CTNNA3: variants seen among roughly 807,000 people sequenced by gnomAD.
CTNNA3 encodes catenin alpha 3.
A neutral mutation model predicts 95.7 loss-of-function variants in CTNNA3; 76 were observed. That is an observed-to-expected ratio of 0.79 (90% CI 0.66 to 0.96). CTNNA3 has a LOEUF of 0.96. Among genes scored for constraint, CTNNA3 ranks in the 40% least tolerant of loss-of-function variants. CTNNA3 has a pLI of 0.00. For missense variants in CTNNA3, 1,191 were observed against 1,089.8 expected, an observed-to-expected ratio of 1.09 and a Z score of -1.31; for synonymous variants, 431 against 374.4, an observed-to-expected ratio of 1.15 and a Z score of -1.74.
At chr10:66,598,845 G>A (rs1843816516) in intron 10 of CTNNA3, among the ~76,000 whole-genome samples, 1 of 151,922 alleles carries the variant, frequency 6.6e-6, no homozygotes, top group Non-Finnish European at 1.5e-5. Context: ...TAAATTCACT[G>A]CAATCTTTAT....
intron 7 of CTNNA3, among the ~76,000 whole-genome samples, chr10:67,161,659 A>G (rs894177229): frequency 6.6e-6 from 1 of 152,048 alleles, no homozygotes; most frequent in African/African-American, 2.4e-5. Context: ...ATGGATAGGT[A>G]GATAGATTAG....
At chr10:66,349,983 T>C (rs1425773214) in intron 12 of CTNNA3, among the ~76,000 whole-genome samples, 1 of 152,100 alleles carries the variant, frequency 6.6e-6, no homozygotes, top group African/African-American at 2.4e-5. Flanking sequence ...GGACCATTAC[T>C]AATACTCTTC....
chr10:67,133,098 A>G (rs1322489469), intron 7 of CTNNA3, among the ~76,000 whole-genome samples: 1 of 151,762 alleles, frequency 6.6e-6, no homozygotes, highest in Non-Finnish European at 1.5e-5. Context: ...CATAAAAATG[A>G]TAAACACTCA....
At chr10:67,301,483 A>G (rs1840268127) in intron 5 of CTNNA3, among the ~76,000 whole-genome samples, 2 of 152,248 alleles carry the variant, frequency 1.3e-5, no homozygotes. Flanking sequence ...CATATCATCC[A>G]GCAATCCCAC....
chr10:67,756,308 A>C (rs994640930), intron 1 of CTNNA3, among the ~76,000 whole-genome samples: 1 of 152,214 alleles, frequency 6.6e-6, no homozygotes, highest in African/African-American at 2.4e-5. Context: ...TACATTTCAA[A>C]AAAGCTAGAA....
At chr10:66,698,741 G>T (rs185420938) in intron 9 of CTNNA3, among the ~76,000 whole-genome samples, 1 of 152,118 alleles carries the variant, frequency 6.6e-6, no homozygotes, top group African/African-American at 2.4e-5. Flanking sequence ...GATAAAACGT[G>T]GGGGACAGCA....
intron 1 of CTNNA3, among the ~76,000 whole-genome samples, chr10:67,659,420 G>C (rs1238118584): frequency 1.3e-5 from 2 of 152,146 alleles, no homozygotes; most frequent in Non-Finnish European, 2.9e-5. Flanking sequence ...TACAGAGAAA[G>C]AACAGAAATG....
Position 66,080,867 on chromosome 10 carries a change from A to G in CTNNA3, c.1978-11378T>C, listed in dbSNP as rs117971349. Among the ~76,000 whole-genome samples, 125 of 152,274 alleles carry G rather than the reference A, an allele frequency of 8.2e-4. 1 individual carries two copies. The East Asian group carries it at 0.02, about 24-fold the overall frequency. On this transcript the variant is annotated intron_variant, in intron 14 of 17. Transcript: ENST00000433211. ...TTCTACCCTCCTACAGAGAGTAGGA[A>G]ATAGAGGCTTTACCTTTCTTGATAA...
chr10:67,238,358 T>C (rs1216741539), intron 5 of CTNNA3, among the ~76,000 whole-genome samples: 1 of 151,796 alleles, frequency 6.6e-6, no homozygotes, highest in Non-Finnish European at 1.5e-5. Flanking sequence ...CTTGAGTATA[T>C]CAACCCAGTA....
intron 13 of CTNNA3, among the ~76,000 whole-genome samples, chr10:66,268,356 C>A (rs908953019): frequency 6.6e-6 from 1 of 152,062 alleles, no homozygotes; most frequent in Non-Finnish European, 1.5e-5. Flanking sequence ...GGCAATATGG[C>A]GTGTGCTTTG....
chr10:67,037,781 T>C (rs765307001), intron 7 of CTNNA3, among the ~76,000 whole-genome samples: 28 of 152,154 alleles, frequency 1.8e-4, no homozygotes, highest in Non-Finnish European at 1.9e-4. Context: ...CTTGAACAAA[T>C]ACATGGATGG....
At chr10:66,832,776 A>G (rs1842763937) in intron 7 of CTNNA3, among the ~76,000 whole-genome samples, 1 of 152,140 alleles carries the variant, frequency 6.6e-6, no homozygotes, top group South Asian at 2.1e-4. Context: ...ACATTAAATG[A>G]CCCTAGCAAG....
At chr10:66,522,587 T>C (rs754526594) in intron 10 of CTNNA3, among the ~76,000 whole-genome samples, 2 of 151,988 alleles carry the variant, frequency 1.3e-5, no homozygotes, top group Non-Finnish European at 2.9e-5. Context: ...CCTTCTGCCA[T>C]GGTTGTGAGT....
intron 7 of CTNNA3, among the ~76,000 whole-genome samples, chr10:67,168,789 C>T (rs889878738): frequency 3.3e-5 from 5 of 152,052 alleles, no homozygotes; most frequent in African/African-American, 7.2e-5. Context: ...AAAGCAATCA[C>T]GCAAGAGAAA....
chr10:67,124,536 C>G (rs1859623809), intron 7 of CTNNA3, among the ~76,000 whole-genome samples: 1 of 151,996 alleles, frequency 6.6e-6, no homozygotes, highest in South Asian at 2.1e-4. Flanking sequence ...AACCTATTAC[C>G]AGAACTGATT....
At chr10:67,340,752 T>C (rs1842154108) in intron 5 of CTNNA3, among the ~76,000 whole-genome samples, 1 of 152,230 alleles carries the variant, frequency 6.6e-6, no homozygotes, top group Non-Finnish European at 1.5e-5. Context: ...TTACATAAGA[T>C]GTGGCTTAAA....
intron 7 of CTNNA3, among the ~76,000 whole-genome samples, chr10:66,864,061 G>A (rs1172588803): frequency 6.6e-6 from 1 of 152,038 alleles, no homozygotes; most frequent in African/African-American, 2.4e-5. Context: ...ATTCAAGTAT[G>A]TGATTAATGT....
chr10:66,745,025 G>A (rs1039322052), intron 9 of CTNNA3, among the ~76,000 whole-genome samples: 2 of 152,128 alleles, frequency 1.3e-5, no homozygotes, highest in Admixed American at 6.5e-5. Context: ...ATTCAAGACC[G>A]TGGGTTCATT....
intron 7 of CTNNA3, among the ~76,000 whole-genome samples, chr10:67,106,677 T>C (rs1858650909): frequency 6.6e-6 from 1 of 152,176 alleles, no homozygotes; most frequent in African/African-American, 2.4e-5. Flanking sequence ...GCAGCAAGGA[T>C]TCAAATCCAG....
Sources: gnomAD v4.1 joint callset for allele counts (sites outside exome capture counted in the v4.1 genomes callset) on GRCh38, gnomAD v4.1.1 for gene constraint, MANE v1.5 for transcripts, NCBI Gene and HGNC (gene_info 2026-07-23, HGNC 2026-07-21) for gene names.